Variants in ST6GALNAC3 observed in about 807,000 individuals in gnomAD.
The protein encoded by ST6GALNAC3 is alpha-N-acetylgalactosaminide alpha-2,6-sialyltransferase 3.
ST6GALNAC3 carries 25 observed loss-of-function variants against 32.7 expected under a neutral mutation model. The observed-to-expected ratio is 0.76, with a 90% CI of 0.56 to 1.07. ST6GALNAC3 has a LOEUF of 1.07. ST6GALNAC3 is among the 50% of genes least tolerant of loss of function. The pLI, the probability that ST6GALNAC3 is intolerant of heterozygous loss-of-function variation, is 0.00. For missense variants in ST6GALNAC3, 355 were observed against 382.4 expected, an observed-to-expected ratio of 0.93 and a Z score of 0.60; for synonymous variants, 129 against 133.1, an observed-to-expected ratio of 0.97 and a Z score of 0.21.
chr1:76,315,310 T>C (rs1430065527), intron 2 of ST6GALNAC3, among the ~76,000 whole-genome samples: 2 of 152,166 alleles, frequency 1.3e-5, no homozygotes, highest in Admixed American at 1.3e-4. Context: ...AACTCTACTG[T>C]ATGGTGTTAA....
intron 3 of ST6GALNAC3, among the ~76,000 whole-genome samples, chr1:76,522,321 G>A (rs1171841142): frequency 6.6e-6 from 1 of 151,886 alleles, no homozygotes; most frequent in Admixed American, 6.6e-5. Flanking sequence ...TTGAATTTAT[G>A]GATTGATACT....
intron 1 of ST6GALNAC3, among the ~76,000 whole-genome samples, chr1:76,209,375 T>A (rs1200165057): frequency 6.6e-6 from 1 of 152,180 alleles, no homozygotes; most frequent in Non-Finnish European, 1.5e-5. Context: ...TTGTGCAGAT[T>A]GCATCCTGGT....
At chr1:76,272,969 G>T (rs1206858537) in intron 1 of ST6GALNAC3, among the ~76,000 whole-genome samples, 1 of 152,150 alleles carries the variant, frequency 6.6e-6, no homozygotes, top group Non-Finnish European at 1.5e-5. Context: ...CTTTACCTGT[G>T]GGGAGAGGAG....
At chr1:76,535,091 G>A (rs1390614881) in intron 3 of ST6GALNAC3, among the ~76,000 whole-genome samples, 1 of 152,096 alleles carries the variant, frequency 6.6e-6, no homozygotes, top group Admixed American at 6.6e-5. Context: ...TCATACTCAA[G>A]GCAGTAGGGC....
chr1:76,141,361 C>G (rs1570158378), intron 1 of ST6GALNAC3, among the ~76,000 whole-genome samples: 1 of 152,058 alleles, frequency 6.6e-6, no homozygotes, highest in South Asian at 2.1e-4. Flanking sequence ...AAGAAGTAGC[C>G]CCAGCACTGG....
chr1:76,113,074 G>A (rs1189902036), intron 1 of ST6GALNAC3, among the ~76,000 whole-genome samples: 2 of 152,200 alleles, frequency 1.3e-5, no homozygotes, highest in African/African-American at 2.4e-5. Context: ...ACACAACTCC[G>A]TCTGCCATCC....
intron 1 of ST6GALNAC3, among the ~76,000 whole-genome samples, chr1:76,256,323 A>G (rs528471445): frequency 1.3e-5 from 2 of 152,258 alleles, no homozygotes; most frequent in East Asian, 3.9e-4. Flanking sequence ...AACATTGCTT[A>G]TATAAGAGAA....
At chr1:76,313,634 G>C (rs913365332) in intron 1 of ST6GALNAC3, 171 bp from the exon 2 acceptor site, 3 of 790,408 alleles carry the variant, frequency 3.8e-6, no homozygotes, top group African/African-American at 1.7e-5. Context: ...CAGCACACTA[G>C]GACAATTTGG....
At chr1:76,097,772 T>C (rs1647160316) in intron 1 of ST6GALNAC3, among the ~76,000 whole-genome samples, 2 of 152,214 alleles carry the variant, frequency 1.3e-5, no homozygotes. Context: ...ATATTTCCAG[T>C]TTTTAGCTAT....
chr1:76,216,569 T>A (rs1655474763), intron 1 of ST6GALNAC3, among the ~76,000 whole-genome samples: 1 of 152,210 alleles, frequency 6.6e-6, no homozygotes, highest in East Asian at 1.9e-4. Flanking sequence ...ATGAATCCAA[T>A]AATATGTGGG....
At chr1:76,129,421 A>C (rs142830981) in intron 1 of ST6GALNAC3, among the ~76,000 whole-genome samples, 3 of 152,258 alleles carry the variant, frequency 2.0e-5, no homozygotes, top group African/African-American at 7.2e-5. Context: ...TGCCAAACTC[A>C]GGATTCTCCA....
At chr1:76,219,270 T>C (rs1162762883) in intron 1 of ST6GALNAC3, among the ~76,000 whole-genome samples, 9 of 152,232 alleles carry the variant, frequency 5.9e-5, no homozygotes, top group Non-Finnish European at 1.2e-4. Flanking sequence ...TCCTTCAAGG[T>C]TGAATAATCT....
At chr1:76,412,780 T>C (rs1488794725) in intron 3 of ST6GALNAC3, among the ~76,000 whole-genome samples, 2 of 152,148 alleles carry the variant, frequency 1.3e-5, no homozygotes, top group Non-Finnish European at 1.5e-5. Flanking sequence ...TTTAGGATTA[T>C]GCATTAATCT....
At chr1:76,617,179 C>T (rs1648348261) in intron 3 of ST6GALNAC3, among the ~76,000 whole-genome samples, 1 of 152,076 alleles carries the variant, frequency 6.6e-6, no homozygotes, top group Non-Finnish European at 1.5e-5. Context: ...TGATTTTTGT[C>T]AGAATAAGTT....
chr1:76,551,487 T>C (rs1664634872), intron 3 of ST6GALNAC3, among the ~76,000 whole-genome samples: 1 of 152,244 alleles, frequency 6.6e-6, no homozygotes, highest in African/African-American at 2.4e-5. Flanking sequence ...TTTTTTCATC[T>C]TATTAATTAT....
chr1:76,406,479 T>C lies in ST6GALNAC3; in HGVS notation c.214-5529T>C, dbSNP rs139119094. ...ACCATTTAAAAGCTAATAAAATTGG[T>C]CATGATTAGTTTATCTTAGACTGAA... On this transcript the variant is annotated intron_variant, in intron 2 of 4. Transcript: ENST00000328299. Among the ~76,000 whole-genome samples the C allele has an allele frequency of 6.5e-3, 986 of 152,068 alleles. 11 individuals carry two copies. Among genetic ancestry groups the C allele is most frequent in the African/African-American group, 0.023 (940 of 41,492 alleles).
intron 3 of ST6GALNAC3, among the ~76,000 whole-genome samples, chr1:76,507,799 G>C (rs568300295): frequency 6.6e-6 from 1 of 152,270 alleles, no homozygotes; most frequent in Non-Finnish European, 1.5e-5. Context: ...ACCTAGAAGT[G>C]GAATTGTTAG....
At chr1:76,418,406 A>T (rs999422651) in intron 3 of ST6GALNAC3, among the ~76,000 whole-genome samples, 1 of 152,076 alleles carries the variant, frequency 6.6e-6, no homozygotes, top group Non-Finnish European at 1.5e-5. Context: ...CCAAAACCAA[A>T]ATAAAACAAC....
intron 3 of ST6GALNAC3, among the ~76,000 whole-genome samples, chr1:76,495,551 G>A (rs983220851): frequency 6.6e-6 from 1 of 152,088 alleles, no homozygotes. Context: ...AACTCTCCTA[G>A]GTAACTTACC....
Sources: gnomAD v4.1 joint callset for allele counts (sites outside exome capture counted in the v4.1 genomes callset) on GRCh38, gnomAD v4.1.1 for gene constraint, MANE v1.5 for transcripts, NCBI Gene and HGNC (gene_info 2026-07-23, HGNC 2026-07-21) for gene names.